The following CDH23 variants were observed in gnomAD, a reference collection of about 807,000 sequenced individuals.
The protein encoded by CDH23 is cadherin-23.
Under a neutral mutation model 317.1 loss-of-function variants are expected in CDH23, and 189 were observed. The observed-to-expected ratio is 0.60, with a 90% CI of 0.53 to 0.67. The LOEUF is 0.67. CDH23 is among the 30% of genes least tolerant of loss of function. The pLI is 0.00. For synonymous variants in CDH23, 1,839 were observed against 1,876.8 expected, an observed-to-expected ratio of 0.98 and a Z score of 0.52; for missense variants, 4,401 against 4,592.4, an observed-to-expected ratio of 0.96 and a Z score of 1.20.
At chr10:71,666,297 A>G (rs568021280) in intron 14 of CDH23, among the ~76,000 whole-genome samples, 7 of 150,880 alleles carry the variant, frequency 4.6e-5, no homozygotes, top group Non-Finnish European at 7.4e-5. Flanking sequence ...CAGCCCCCCA[A>G]TATCTCCCCT....
intron 14 of CDH23, among the ~76,000 whole-genome samples, chr10:71,661,777 CCCCCTCCCACCCT>C (rs1369589769): frequency 1.0e-5 from 1 of 98,432 alleles, no homozygotes; most frequent in East Asian, 3.2e-4. Context: ...CCACCCTGCG[CCCCCTCCCACCCT>C]GCGCGCCCCC....
At chr10:71,601,400 G>C (rs2132476125) in intron 9 of CDH23, among the ~76,000 whole-genome samples, 1 of 152,262 alleles carries the variant, frequency 6.6e-6, no homozygotes, top group Admixed American at 6.5e-5. Flanking sequence ...CCTCACATCA[G>C]CCCTATAAGA....
intron 34 of CDH23, among the ~76,000 whole-genome samples, chr10:71,737,073 G>A (rs761389297): frequency 6.6e-5 from 10 of 152,148 alleles, no homozygotes; most frequent in African/African-American, 1.2e-4. Flanking sequence ...GGAGGGATCC[G>A]ATCACAAGGA....
intron 9 of CDH23, among the ~76,000 whole-genome samples, chr10:71,580,962 G>A (rs191533014): frequency 1.3e-4 from 20 of 152,278 alleles, no homozygotes; most frequent in Middle Eastern, 3.4e-3. Context: ...GTCCCCAGGG[G>A]AGCAGGTGGA....
chr10:71,586,225 T>TG (rs902450706), intron 9 of CDH23, among the ~76,000 whole-genome samples: 3 of 152,212 alleles, frequency 2.0e-5, no homozygotes, highest in African/African-American at 7.2e-5. Context: ...GTTGTTTTGG[T>TG]GGGCGATTCT....
intron 69 of CDH23, among the ~76,000 whole-genome samples, chr10:71,814,616 G>A (rs1381238204): frequency 1.3e-5 from 2 of 151,846 alleles, no homozygotes; most frequent in African/African-American, 2.4e-5. Flanking sequence ...CCAAAATCGC[G>A]CCACTGCGAG....
At chr10:71,591,961 C>A in intron 9 of CDH23, among the ~76,000 whole-genome samples, 1 of 151,982 alleles carries the variant, frequency 6.6e-6, no homozygotes, top group East Asian at 1.9e-4. Flanking sequence ...GCAGGAGAGG[C>A]TGTGATGAGC....
intron 10 of CDH23, 148 bp from the exon 11 acceptor site, chr10:71,617,057 A>G (rs958245972): frequency 3.6e-6 from 4 of 1,105,804 alleles, no homozygotes; most frequent in African/African-American, 3.1e-5. Flanking sequence ...TACTAATGAT[A>G]AAATCCTCCT....
chr10:71,571,912 C>A (rs1857842717), intron 8 of CDH23, among the ~76,000 whole-genome samples: 1 of 152,244 alleles, frequency 6.6e-6, no homozygotes, highest in Admixed American at 6.5e-5. Context: ...GACAGGTGAG[C>A]TTCCCTTGAC....
intron 3 of CDH23, among the ~76,000 whole-genome samples, chr10:71,453,768 C>T (rs934676958): frequency 3.9e-5 from 6 of 152,300 alleles, no homozygotes; most frequent in African/African-American, 1.2e-4. Context: ...TGTCCCACAG[C>T]GAGGGCTGGT....
chr10:71,612,188 G>A (rs1357344620), intron 9 of CDH23, among the ~76,000 whole-genome samples: 4 of 152,020 alleles, frequency 2.6e-5, no homozygotes, highest in Non-Finnish European at 5.9e-5. Context: ...GGCAGGAGGT[G>A]GGAAGGTGTA....
intron 10 of CDH23, 91 bp from the exon 11 acceptor site, chr10:71,617,114 C>A: frequency 6.7e-7 from 1 of 1,487,160 alleles, no homozygotes; most frequent in African/African-American, 1.4e-5. Context: ...CATTGAGGCA[C>A]AGTGGCTGGT....
chr10:71,424,252 C>T (rs970361863), intron 1 of CDH23, among the ~76,000 whole-genome samples: 5 of 152,228 alleles, frequency 3.3e-5, no homozygotes, highest in African/African-American at 4.8e-5. Flanking sequence ...CCTTTCTCTC[C>T]ACCTGCAGTA....
intron 3 of CDH23, among the ~76,000 whole-genome samples, chr10:71,454,394 T>G (rs16928882): frequency 0.018 from 2,676 of 152,334 alleles, 80 homozygotes; most frequent in African/African-American, 0.06. Context: ...AAGGAAACTT[T>G]AATGTGTCAG....
At chr10:71,650,810 G>C (rs1863132735) in intron 14 of CDH23, among the ~76,000 whole-genome samples, 1 of 152,238 alleles carries the variant, frequency 6.6e-6, no homozygotes, top group African/African-American at 2.4e-5. Context: ...GAGAAGGCCA[G>C]GGAGTGTCTT....
chr10:71,541,668 G>A (rs985189770), intron 6 of CDH23, among the ~76,000 whole-genome samples: 33 of 152,212 alleles, frequency 2.2e-4, no homozygotes, highest in Non-Finnish European at 3.7e-4. Context: ...GCCAGGCTTA[G>A]TTCAGTCTTA....
rs1483462219 is a variant in CDH23, at chr10:71,397,151, C to T, written c.-173C>T. The T allele has an allele frequency of 1.1e-5, 2 of 188,832 alleles. No homozygotes were observed. Among genetic ancestry groups the T allele is most frequent in the Non-Finnish European group, 2.2e-5 (2 of 92,986 alleles). 11.7% of individuals were successfully genotyped at this position (188,832 alleles called of 1,614,324 possible). On this transcript the variant is annotated 5_prime_UTR_variant, in exon 1 of 70. Transcript: ENST00000224721. The surrounding 1 kb of genome is among the most constrained non-coding windows in gnomAD (Gnocchi z 4.8). ...CGAGCGGCGAGCGGCGAGCGGCGAG[C>T]GGCCCGCGGAGACCCAGGAGCTGCC...
At chr10:71,601,958 C>CGGGGGGGGGGGGG (rs1351067491) in intron 9 of CDH23, among the ~76,000 whole-genome samples, 1 of 90,852 alleles carries the variant, frequency 1.1e-5, no homozygotes, top group Non-Finnish European at 2.3e-5. Flanking sequence ...GGGTGGGCGG[C>CGGGGGGGGGGGGG]GGAGGGGGGG....
intron 17 of CDH23, 119 bp downstream of exon 17, chr10:71,679,611 C>A: frequency 1.2e-6 from 1 of 813,714 alleles, no homozygotes; most frequent in Non-Finnish European, 2.0e-6. Context: ...CTCTGGGCTA[C>A]TCAGGAAGCT....
Sources: gnomAD v4.1 joint callset for allele counts (sites outside exome capture counted in the v4.1 genomes callset) on GRCh38, gnomAD v4.1.1 for gene constraint, Gnocchi (gnomAD v3.1) non-coding constraint, MANE v1.5 for transcripts, NCBI Gene and HGNC (gene_info 2026-07-23, HGNC 2026-07-21) for gene names.